MBP: variants seen among roughly 807,000 people sequenced by gnomAD.
The protein encoded by MBP is Golli-MBP.
Under a neutral mutation model 35.8 loss-of-function variants are expected in MBP, and 16 were observed. The observed-to-expected ratio is 0.45, with a 90% CI of 0.30 to 0.68. MBP has a LOEUF of 0.68. Ranked by LOEUF, MBP falls within the 30% of genes least tolerant of loss-of-function variation. MBP has a pLI of 0.08. For missense variants in MBP, 380 were observed against 404.7 expected, an observed-to-expected ratio of 0.94 and a Z score of 0.52; for synonymous variants, 143 against 159.6, an observed-to-expected ratio of 0.90 and a Z score of 0.78.
chr18:77,053,738 G>T (rs12607641), intron 3 of MBP, among the ~76,000 whole-genome samples: 1 of 152,090 alleles, frequency 6.6e-6, no homozygotes, highest in Non-Finnish European at 1.5e-5. Flanking sequence ...GGAGAGGAGA[G>T]AGCAGCAGGG....
chr18:77,042,522 G>T (rs115161568), intron 3 of MBP, among the ~76,000 whole-genome samples: 1 of 152,126 alleles, frequency 6.6e-6, no homozygotes, highest in African/African-American at 2.4e-5. Context: ...CCATTAATAC[G>T]TATTCTGTAT....
chr18:77,011,444 C>T (rs1311572079), intron 4 of MBP, among the ~76,000 whole-genome samples: 2 of 152,212 alleles, frequency 1.3e-5, no homozygotes, highest in Non-Finnish European at 2.9e-5. Flanking sequence ...AAGATCATCA[C>T]TGTGAGGCAT....
intron 4 of MBP, among the ~76,000 whole-genome samples, chr18:77,008,871 C>T (rs1027951380): frequency 4.6e-5 from 7 of 152,234 alleles, no homozygotes; most frequent in African/African-American, 9.6e-5. Flanking sequence ...CATCCGCAGG[C>T]GTCCTGTCCC....
chr18:77,009,164 C>A (rs954679894), intron 4 of MBP, among the ~76,000 whole-genome samples: 1 of 152,170 alleles, frequency 6.6e-6, no homozygotes, highest in African/African-American at 2.4e-5. Flanking sequence ...GCCCTGCTCA[C>A]GGTGACGGCA....
chr18:77,061,429 T>A (rs1317591479), intron 3 of MBP, among the ~76,000 whole-genome samples: 2 of 152,214 alleles, frequency 1.3e-5, no homozygotes, highest in East Asian at 3.8e-4. Flanking sequence ...GTCCCACACG[T>A]GCACATGTGT....
chr18:77,081,914 T>TGG lies in MBP; in HGVS notation c.52-15530_52-15529insCC, dbSNP rs1599206973. Among the ~76,000 whole-genome samples, 3 of 150,642 alleles carry TGG rather than the reference T, an allele frequency of 2.0e-5. No homozygotes were observed. The Admixed American group carries it at 2.0e-4, about 10-fold the overall frequency. On this transcript the variant is annotated intron_variant, in intron 2 of 8. Transcript: ENST00000355994. Reference sequence around the variant, plus strand: ...TCGCACAGGCTGGAGTGCAGTGGCATGATCTTGGCTCACTGCAAGCTCTGC... The same window carrying TGG: ...TCGCACAGGCTGGAGTGCAGTGGCATGGGATCTTGGCTCACTGCAAGCTCTGC...
At chr18:77,077,014 AATATTT>A (rs1974679906) in intron 2 of MBP, among the ~76,000 whole-genome samples, 1 of 152,182 alleles carries the variant, frequency 6.6e-6, no homozygotes, top group South Asian at 2.1e-4. Context: ...GAAGAGAGTT[AATATTT>A]ATAAAGTGCC....
chr18:77,079,174 C>G (rs2144905012), intron 2 of MBP, among the ~76,000 whole-genome samples: 2 of 152,328 alleles, frequency 1.3e-5, no homozygotes, highest in Middle Eastern at 3.4e-3. Flanking sequence ...TCTTTCGGAC[C>G]AGGGGTAGCA....
At position 77,052,414 on chromosome 18, in the gene MBP, C is replaced by T. The variant is rs575172807; in HGVS notation, c.139+13884G>A. Among the ~76,000 whole-genome samples, 11 of 152,262 alleles carry T rather than the reference C, an allele frequency of 7.2e-5. No individual in the cohort carries two copies. In the East Asian group the frequency reaches 7.7e-4, roughly 11 times the overall value. On this transcript the variant is annotated intron_variant, in intron 3 of 8. Transcript: ENST00000355994. ...TGAGCTCCCCGGGTCCCGAGCTGGA[C>T]GCACGGCTGCCCCACTGGCCAGAGC...
At chr18:77,066,770 A>G (rs1235797625) in intron 2 of MBP, among the ~76,000 whole-genome samples, 1 of 152,250 alleles carries the variant, frequency 6.6e-6, no homozygotes, top group Non-Finnish European at 1.5e-5. Flanking sequence ...TACTCCTCCA[A>G]TGACACCTTT....
At chr18:77,088,426 A>G (rs1975357582) in intron 2 of MBP, among the ~76,000 whole-genome samples, 1 of 152,176 alleles carries the variant, frequency 6.6e-6, no homozygotes, top group Admixed American at 6.5e-5. Context: ...GTACCAACGT[A>G]TGACTGTTGG....
chr18:77,014,100 C>G (rs1356770899), intron 4 of MBP: 1 of 985,348 alleles, frequency 1.0e-6, no homozygotes, highest in African/African-American at 1.7e-5. Flanking sequence ...TCTTTCCTCT[C>G]ACAACAAAGG....
At chr18:77,096,046 G>C (rs1003121109) in intron 2 of MBP, among the ~76,000 whole-genome samples, 2 of 152,198 alleles carry the variant, frequency 1.3e-5, no homozygotes, top group East Asian at 3.8e-4. Context: ...CACTAAAGAT[G>C]TTAAATACCC....
intron 2 of MBP, among the ~76,000 whole-genome samples, chr18:77,091,685 C>T (rs1229753350): frequency 4.6e-5 from 7 of 150,690 alleles, no homozygotes; most frequent in African/African-American, 1.2e-4. Context: ...CACATGTATA[C>T]ACCCCCACAT....
chr18:77,094,678 G>A (rs1039320374), intron 2 of MBP, among the ~76,000 whole-genome samples: 1 of 152,122 alleles, frequency 6.6e-6, no homozygotes, highest in African/African-American at 2.4e-5. Flanking sequence ...GTATGATTTT[G>A]GGAAACACCC....
intron 1 of MBP, chr18:77,108,519 G>A (rs1976350476): frequency 1.3e-5 from 2 of 152,314 alleles, no homozygotes; most frequent in Admixed American, 6.5e-5. Context: ...GGTCTCAGTT[G>A]GTATTCAGTT....
intron 7 of MBP, chr18:76,987,357 G>T (rs1969615226): frequency 1.0e-6 from 1 of 985,406 alleles, no homozygotes; most frequent in Non-Finnish European, 1.2e-6. Context: ...TCATCGTTTT[G>T]CAAATTCATT....
intron 3 of MBP, among the ~76,000 whole-genome samples, chr18:77,029,776 CCACACACACACACACAAACACA>C (rs374960691): frequency 3.0e-5 from 4 of 132,166 alleles, no homozygotes; most frequent in African/African-American, 1.0e-4. Context: ...CATAAAATGA[CCACACACACACACACAAACACA>C]CACACACACA....
At chr18:77,094,921 C>T (rs1012583558) in intron 2 of MBP, among the ~76,000 whole-genome samples, 1 of 152,206 alleles carries the variant, frequency 6.6e-6, no homozygotes, top group Non-Finnish European at 1.5e-5. Flanking sequence ...GCTAACGTGT[C>T]ACCAGGCAGC....
Sources: gnomAD v4.1 joint callset for allele counts (sites outside exome capture counted in the v4.1 genomes callset) on GRCh38, gnomAD v4.1.1 for gene constraint, MANE v1.5 for transcripts, NCBI Gene and HGNC (gene_info 2026-07-23, HGNC 2026-07-21) for gene names.